PDGFC: variants seen among roughly 807,000 people sequenced by gnomAD.
The protein encoded by PDGFC is platelet-derived growth factor C.
In PDGFC, 12 loss-of-function variants were observed where a neutral mutation model predicts 35.5. That is an observed-to-expected ratio of 0.34 (90% CI 0.22 to 0.55). PDGFC has a LOEUF of 0.55. PDGFC is among the 20% of genes least tolerant of loss of function. The probability of loss-of-function intolerance (pLI) is 0.91; values close to 1 mark genes in which losing one functional copy is unlikely to be tolerated. For synonymous variants in PDGFC, 159 were observed against 148.8 expected, an observed-to-expected ratio of 1.07 and a Z score of -0.50; for missense variants, 322 against 412.4, an observed-to-expected ratio of 0.78 and a Z score of 1.90.
chr4:156,770,481 G>C lies in PDGFC; in HGVS notation c.703+2205C>G, dbSNP rs536874445. On this transcript the variant is annotated intron_variant, in intron 4 of 5. Transcript: ENST00000502773. ...TTGAAACATTGTATAGTACTTTTGGGGGGGGAAGGCAAATAAAGAGAAAAA... is the reference window on the plus strand; with the variant it reads ...TTGAAACATTGTATAGTACTTTTGGCGGGGGAAGGCAAATAAAGAGAAAAA... 17 of 151,990 alleles carry C rather than the reference G, an allele frequency of 1.1e-4. No individual in the cohort carries two copies. In the East Asian group the frequency reaches 1.4e-3, roughly 12 times the overall value. The allele number at this position is 151,990 out of a possible 1,614,324, so 9.4% of individuals were successfully genotyped here.
At chr4:156,915,120 T>C (rs1731128343) in intron 1 of PDGFC, among the ~76,000 whole-genome samples, 2 of 152,292 alleles carry the variant, frequency 1.3e-5, no homozygotes, top group African/African-American at 4.8e-5. Flanking sequence ...AGATCCAAAC[T>C]GCAAAAGTTA....
chr4:156,846,921 A>G (rs184844573), intron 2 of PDGFC, among the ~76,000 whole-genome samples: 27 of 152,002 alleles, frequency 1.8e-4, no homozygotes, highest in Non-Finnish European at 3.1e-4. Flanking sequence ...TTGACATGTT[A>G]AGAGCAAATC....
chr4:156,768,619 A>G (rs1404494731), intron 4 of PDGFC, among the ~76,000 whole-genome samples: 1 of 152,060 alleles, frequency 6.6e-6, no homozygotes, highest in East Asian at 1.9e-4. Flanking sequence ...CTTCAAATGC[A>G]TTGAATGATT....
At position 156,929,719 on chromosome 4, in the gene PDGFC, TG is replaced by T. The variant is rs1221679121; in HGVS notation, c.118+41066del. On this transcript the variant is annotated intron_variant, in intron 1 of 5. Transcript: ENST00000502773. Reference sequence around the variant, plus strand: ...AGAGGGAGCTAGCACTCAATCTTTATGCAGAGTAGAATGGAAAATATTCTCT... The same window carrying T: ...AGAGGGAGCTAGCACTCAATCTTTATCAGAGTAGAATGGAAAATATTCTCT... Among the ~76,000 whole-genome samples, 9 of 152,380 alleles carry T rather than the reference TG, an allele frequency of 5.9e-5. No individual in the cohort carries two copies. The South Asian group carries it at 1.9e-3, about 32-fold the overall frequency.
chr4:156,901,458 T>G (rs999739212), intron 1 of PDGFC, among the ~76,000 whole-genome samples: 4 of 152,058 alleles, frequency 2.6e-5, no homozygotes, highest in Admixed American at 1.3e-4. Flanking sequence ...ACTCAAGTAA[T>G]GCAGGCAAGG....
At chr4:156,858,639 G>C (rs1729639351) in intron 1 of PDGFC, among the ~76,000 whole-genome samples, 1 of 151,994 alleles carries the variant, frequency 6.6e-6, no homozygotes, top group African/African-American at 2.4e-5. Context: ...TTTTAAATAT[G>C]TAATCAACTC....
intron 1 of PDGFC, 148 bp downstream of exon 1, chr4:156,970,638 C>T (rs537626763): frequency 3.8e-4 from 257 of 674,990 alleles, no homozygotes; most frequent in African/African-American, 3.8e-3. Context: ...CTTTAACAGT[C>T]CATGCCAATG....
intron 2 of PDGFC, among the ~76,000 whole-genome samples, chr4:156,818,300 C>T (rs1732148140): frequency 6.6e-6 from 1 of 151,780 alleles, no homozygotes; most frequent in Admixed American, 6.6e-5. Context: ...AAAAGCAAGT[C>T]TATTGGAACC....
intron 1 of PDGFC, among the ~76,000 whole-genome samples, chr4:156,854,585 T>C (rs1314445918): frequency 6.8e-6 from 1 of 147,690 alleles, no homozygotes; most frequent in African/African-American, 2.5e-5. Context: ...CAAAGTTTTA[T>C]GTAAATCTCA....
chr4:156,942,390 T>G (rs1017114561), intron 1 of PDGFC, among the ~76,000 whole-genome samples: 1 of 152,022 alleles, frequency 6.6e-6, no homozygotes, highest in African/African-American at 2.4e-5. Context: ...ATTTAACAGG[T>G]GGCAGCTCTA....
chr4:156,913,441 G>A (rs1731085649), intron 1 of PDGFC, among the ~76,000 whole-genome samples: 2 of 152,104 alleles, frequency 1.3e-5, no homozygotes, highest in Admixed American at 6.5e-5. Context: ...GCTGAATTTT[G>A]CAAGTGATGC....
At chr4:156,950,557 A>G (rs1732055423) in intron 1 of PDGFC, among the ~76,000 whole-genome samples, 1 of 151,748 alleles carries the variant, frequency 6.6e-6, no homozygotes, top group Non-Finnish European at 1.5e-5. Context: ...TTATGCACAC[A>G]AAATTTAAAA....
chr4:156,830,310 C>G (rs1281133639), intron 2 of PDGFC, among the ~76,000 whole-genome samples: 1 of 150,656 alleles, frequency 6.6e-6, no homozygotes, highest in Non-Finnish European at 1.5e-5. Flanking sequence ...ATGGCACTAG[C>G]ATTATACCAT....
At chr4:156,798,481 T>C (rs1418838867) in intron 3 of PDGFC, among the ~76,000 whole-genome samples, 1 of 152,168 alleles carries the variant, frequency 6.6e-6, no homozygotes, top group Non-Finnish European at 1.5e-5. Flanking sequence ...TTGGGAATCC[T>C]ATTAGAATTC....
At chr4:156,873,956 T>C (rs1304820207) in intron 1 of PDGFC, 1 of 152,212 alleles carries the variant, frequency 6.6e-6, no homozygotes, top group East Asian at 1.9e-4. Context: ...TGTCTGAAGC[T>C]ATCAAGTCTT....
chr4:156,784,373 T>A (rs1731062898), intron 3 of PDGFC, among the ~76,000 whole-genome samples: 1 of 151,692 alleles, frequency 6.6e-6, no homozygotes, highest in African/African-American at 2.4e-5. Flanking sequence ...TTTTGAGGAG[T>A]AGAAGAGGGA....
At chr4:156,786,516 T>C (rs1320155765) in intron 3 of PDGFC, among the ~76,000 whole-genome samples, 1 of 152,110 alleles carries the variant, frequency 6.6e-6, no homozygotes, top group Non-Finnish European at 1.5e-5. Context: ...TTTGGAAGTA[T>C]GTTAGGTAAA....
intron 1 of PDGFC, among the ~76,000 whole-genome samples, chr4:156,908,816 C>T (rs949894075): frequency 1.3e-5 from 2 of 151,798 alleles, no homozygotes; most frequent in African/African-American, 4.8e-5. Context: ...TCATAATACC[C>T]AAAAAGTTGG....
At chr4:156,913,350 A>G (rs188641921) in intron 1 of PDGFC, among the ~76,000 whole-genome samples, 3 of 152,194 alleles carry the variant, frequency 2.0e-5, no homozygotes, top group Admixed American at 2.0e-4. Context: ...CTTGCAAGAA[A>G]TATTTTAAAA....
Sources: allele counts gnomAD v4.1 joint callset (sites outside exome capture counted in the v4.1 genomes callset), GRCh38; gene constraint gnomAD v4.1.1; transcripts MANE v1.5; gene names NCBI Gene and HGNC (gene_info 2026-07-23, HGNC 2026-07-21).